TTC1: variants seen among roughly 807,000 people sequenced by gnomAD.
The protein encoded by TTC1 is tetratricopeptide repeat domain 1.
In TTC1, 31 loss-of-function variants were observed where a neutral mutation model predicts 37.6. The observed-to-expected ratio is 0.82, with a 90% CI of 0.62 to 1.11. The LOEUF is 1.11. Ranked by LOEUF, TTC1 falls within the 50% of genes most tolerant of loss-of-function variation. The pLI, the probability that TTC1 is intolerant of heterozygous loss-of-function variation, is 0.00. For missense variants in TTC1, 351 were observed against 339.0 expected, an observed-to-expected ratio of 1.04 and a Z score of -0.28; for synonymous variants, 127 against 122.4, an observed-to-expected ratio of 1.04 and a Z score of -0.25.
intron 4 of TTC1, among the ~76,000 whole-genome samples, chr5:160,038,013 G>GT (rs912473557): frequency 4.0e-5 from 6 of 150,886 alleles, no homozygotes; most frequent in Non-Finnish European, 5.9e-5. Flanking sequence ...TGTTGTTGTT[G>GT]TTTTTTTTAA....
chr5:160,010,481 T>A lies in TTC1; in HGVS notation c.-29-19T>A. 6.5e-7 allele frequency: 1 copy of A among 1,527,494 alleles called. No individual in the cohort carries two copies. The highest frequency in any genetic ancestry group is 1.2e-5 in the South Asian group (1 of 84,622). The allele number at this position is 1,527,494 out of a possible 1,614,324, so 94.6% of individuals were successfully genotyped here. On this transcript the variant is annotated intron_variant, in intron 1 of 7. Transcript: ENST00000231238. Reference sequence around the variant, plus strand: ...ATACAAGCACCATTATATAGCAGTTTTGTTTTGTTTTCCCCCAGCTTTAGC... The same window carrying A: ...ATACAAGCACCATTATATAGCAGTTATGTTTTGTTTTCCCCCAGCTTTAGC...
At chr5:160,010,354 A>C in intron 1 of TTC1, 146 bp from the exon 2 acceptor site, 2 of 537,348 alleles carry the variant, frequency 3.7e-6, no homozygotes, top group Non-Finnish European at 3.3e-6. Context: ...TACTTATGAT[A>C]AGCTGTATTT....
rs1561634868 is a variant in TTC1 at position 160,045,511 on chromosome 5, CACA to C, written c.541+2343_541+2345del. Among the ~76,000 whole-genome samples, 64 of 62,668 alleles carry C rather than the reference CACA, an allele frequency of 1.0e-3. 1 individual carries two copies. Among genetic ancestry groups the C allele is most frequent in the African/African-American group, 1.2e-3 (17 of 14,204 alleles). The allele number at this position is 62,668 out of a possible 152,430, so 41.1% of individuals were successfully genotyped here. On this transcript the variant is annotated intron_variant, in intron 5 of 7. Transcript: ENST00000231238. ...ACACACACACACACACACACACACA[CACA>C]TACACACTCTCTCTCTCTCTCTCTC...
At chr5:160,026,802 A>G (rs1248369432) in intron 2 of TTC1, among the ~76,000 whole-genome samples, 1 of 152,010 alleles carries the variant, frequency 6.6e-6, no homozygotes, top group Non-Finnish European at 1.5e-5. Flanking sequence ...GCTTGTTGAT[A>G]TGTTTGGATT....
intron 2 of TTC1, among the ~76,000 whole-genome samples, chr5:160,033,304 A>C (rs926686957): frequency 1.1e-4 from 16 of 152,100 alleles, no homozygotes; most frequent in Non-Finnish European, 1.9e-4. Flanking sequence ...ATGAATTGTT[A>C]TTTGTACCTG....
At chr5:160,044,885 A>G (rs1757174188) in intron 5 of TTC1, among the ~76,000 whole-genome samples, 1 of 152,122 alleles carries the variant, frequency 6.6e-6, no homozygotes, top group Non-Finnish European at 1.5e-5. Context: ...TTTTTATTTA[A>G]TTAATTTGGT....
chr5:160,059,466 T>A (rs1757638483), intron 7 of TTC1, among the ~76,000 whole-genome samples: 1 of 152,254 alleles, frequency 6.6e-6, no homozygotes, highest in South Asian at 2.1e-4. Context: ...CCTAGAACTT[T>A]CTCCATATAA....
In TTC1 at chr5:160,053,969, A is replaced by G. The variant is rs575845419; in HGVS notation, c.745+2786A>G. On this transcript the variant is annotated intron_variant, in intron 7 of 7. Coordinates refer to ENST00000231238, the MANE Select transcript of TTC1 (RefSeq NM_003314.3). The stretch of plus-strand genomic sequence containing the variant: ...TTAGAACAAGAGACCCAGGGTGGCC[A>G]TTAGTCCTAGTGGCACAGTCCTTGC... Among the ~76,000 whole-genome samples the G allele has an allele frequency of 2.4e-4, 36 of 152,314 alleles. 1 individual carries two copies. In the South Asian group the frequency reaches 6.8e-3, roughly 29 times the overall value.
At position 160,049,763 on chromosome 5, in the gene TTC1, G is replaced by A. The variant is rs144094230; in HGVS notation, c.690+101G>A. ...TCAGACACAATTAAATTCCATTTCTGTGCTTTTGAGGAGCTTATCAAGATA... is the reference window on the plus strand; with the variant it reads ...TCAGACACAATTAAATTCCATTTCTATGCTTTTGAGGAGCTTATCAAGATA... On this transcript the variant is annotated intron_variant, in intron 6 of 7. Transcript: ENST00000231238. 112 of 1,099,890 alleles carry A rather than the reference G, an allele frequency of 1.0e-4. No homozygotes were observed. In the African/African-American group the frequency reaches 1.6e-3, roughly 15 times the overall value. The allele number at this position is 1,099,890 out of a possible 1,614,324, so 68.1% of individuals were successfully genotyped here. A position where few individuals can be genotyped will look rare whatever the true frequency, so the allele number is the denominator to read the frequency against.
chr5:160,044,558 A>C (rs1360837552), intron 5 of TTC1, among the ~76,000 whole-genome samples: 1 of 152,200 alleles, frequency 6.6e-6, no homozygotes, highest in Non-Finnish European at 1.5e-5. Context: ...TGGCATTTGT[A>C]AACTATTGTG....
chr5:160,042,015 C>T (rs1376640413), intron 4 of TTC1, among the ~76,000 whole-genome samples: 2 of 152,056 alleles, frequency 1.3e-5, no homozygotes, highest in South Asian at 2.1e-4. Context: ...CTGCAATCTC[C>T]ACCTCCTGGT....
chr5:160,010,764 T>C lies in TTC1; in HGVS notation c.236T>C (p.Val79Ala). ...GAGGAGGAGCCAGGAGCGGACAAGG[T>C]TGAGAACAAATCTAATGAAGATGTG... ...SFEEEPGADK[V>A]ENKSNEDVNS... Residue 79 changes from valine (V) to alanine (A), a missense_variant, in exon 2 of 8, where the codon GTT (valine) becomes GCT (alanine). Val to Ala is a moderately conservative substitution (Grantham distance 64). Coordinates refer to ENST00000231238, the MANE Select transcript of TTC1 (RefSeq NM_003314.3). 3 of 1,614,144 alleles carry C rather than the reference T, an allele frequency of 1.9e-6. No individual in the cohort carries two copies. The highest frequency in any genetic ancestry group is 4.5e-5 in the East Asian group (2 of 44,884).
intron 2 of TTC1, chr5:160,023,742 GCTTCTTCTTTTT>G (rs1756755242): frequency 3.1e-6 from 5 of 1,611,442 alleles, no homozygotes; most frequent in Admixed American, 1.7e-5. Flanking sequence ...TTCTTCTTGT[GCTTCTTCTTTTT>G]CTTCTTCTTT....
intron 7 of TTC1, 142 bp downstream of exon 7, chr5:160,051,325 C>A: frequency 1.7e-6 from 1 of 601,752 alleles, no homozygotes. Context: ...ATTTTGACCC[C>A]AGAAGGGGCA....
At chr5:160,062,347 C>T (rs1753442012) in intron 7 of TTC1, among the ~76,000 whole-genome samples, 1 of 152,200 alleles carries the variant, frequency 6.6e-6, no homozygotes, top group Non-Finnish European at 1.5e-5. Context: ...GAGGAAGCTG[C>T]CATCTCTGGA....
At chr5:160,060,393 C>T (rs1246059379) in intron 7 of TTC1, among the ~76,000 whole-genome samples, 4 of 152,198 alleles carry the variant, frequency 2.6e-5, no homozygotes, top group Non-Finnish European at 4.4e-5. Context: ...ACTCGGATCC[C>T]TGTCTCTAAA....
intron 5 of TTC1, among the ~76,000 whole-genome samples, chr5:160,045,520 A>ACACTCTCT (rs1202139318): frequency 9.1e-5 from 5 of 54,884 alleles, no homozygotes; most frequent in African/African-American, 1.8e-4. Flanking sequence ...ACACATACAC[A>ACACTCTCT]CTCTCTCTCT....
At position 160,057,249 on chromosome 5, in the gene TTC1, C is replaced by T. The variant is rs1486074415; in HGVS notation, c.745+6066C>T. Among the ~76,000 whole-genome samples, 3 of 152,104 alleles carry T rather than the reference C, an allele frequency of 2.0e-5. No individual in the cohort carries two copies. Among genetic ancestry groups the T allele is most frequent in the Admixed American group, 6.5e-5 (1 of 15,274 alleles). On this transcript the variant is annotated intron_variant, in intron 7 of 7. Transcript: ENST00000231238. This position sits in a 1 kb window ranked among gnomAD's most constrained non-coding sequence, Gnocchi z 4.4. ...AGGCTTCTTTCAGCCCTCGAATTTA[C>T]CCAAGGTCAAATACAGGCGTACCTC...
intron 5 of TTC1, among the ~76,000 whole-genome samples, chr5:160,045,559 C>CT (rs1581110190): frequency 5.7e-5 from 8 of 141,318 alleles, no homozygotes; most frequent in African/African-American, 1.6e-4. Context: ...CTCTCCCCCT[C>CT]CCCTCTCTCA....
Sources: gnomAD v4.1 joint callset for allele counts (sites outside exome capture counted in the v4.1 genomes callset) on GRCh38, gnomAD v4.1.1 for gene constraint, Gnocchi (gnomAD v3.1) non-coding constraint, MANE v1.5 for transcripts, NCBI Gene and HGNC (gene_info 2026-07-23, HGNC 2026-07-21) for gene names.